PHYKPL: variants seen among roughly 807,000 people sequenced by gnomAD.
PHYKPL encodes the protein 5-phosphonooxy-L-lysine phospho-lyase.
PHYKPL carries 42 observed loss-of-function variants against 51.3 expected under a neutral mutation model. The ratio of observed to expected loss-of-function variants is 0.82; its 90% CI spans 0.64 to 1.06. The LOEUF (loss-of-function observed/expected upper bound fraction) is 1.06. PHYKPL is among the 50% of genes least tolerant of loss of function. The pLI is 0.00. For synonymous variants in PHYKPL, 264 were observed against 236.0 expected (o/e 1.12, Z -1.09); for missense variants, 655 against 586.6 (o/e 1.12, Z -1.20).
intron 8 of PHYKPL, among the ~76,000 whole-genome samples, chr5:178,221,915 G>T (rs1761244790): frequency 6.6e-6 from 1 of 152,186 alleles, no homozygotes; most frequent in Admixed American, 6.5e-5. Flanking sequence ...AATATGCCAT[G>T]TGTCAGCTTC....
At position 178,211,955 on chromosome 5, in the gene PHYKPL, A is replaced by AC. The variant is rs1249466423; in HGVS notation, c.1318dup (p.Val440GlyfsTer5). 1 of 1,614,016 alleles carries AC rather than the reference A, an allele frequency of 6.2e-7. No individual in the cohort carries two copies. On this transcript the variant is annotated frameshift_variant, in exon 12 of 13. Transcript: ENST00000308158. LOFTEE classifies it high-confidence loss of function. ...GAGCCTCAGCGTTTCACAACTTCTC[A>AC]CCTTCTCTTCCATGTCTGAAAAAGA...
At chr5:178,227,557 G>A (rs928246276) in intron 3 of PHYKPL, among the ~76,000 whole-genome samples, 3 of 152,108 alleles carry the variant, frequency 2.0e-5, no homozygotes, top group Admixed American at 6.5e-5. Flanking sequence ...AGTGTGCTCC[G>A]GGAACCAGGA....
intron 1 of PHYKPL, 165 bp downstream of exon 1, chr5:178,232,327 G>C: frequency 1.6e-6 from 2 of 1,265,802 alleles, no homozygotes; most frequent in Non-Finnish European, 2.0e-6. Context: ...CGCCCGCCTC[G>C]GGCCCTAGAA....
At chr5:178,231,939 C>G (rs1763540884) in intron 1 of PHYKPL, 1 of 1,265,770 alleles carries the variant, frequency 7.9e-7, no homozygotes, top group South Asian at 1.3e-5. Flanking sequence ...TTGCCAGCCA[C>G]GTGGCCCTGC....
intron 10 of PHYKPL, among the ~76,000 whole-genome samples, chr5:178,214,021 A>AG (rs1428019244): frequency 6.6e-6 from 1 of 151,948 alleles, no homozygotes; most frequent in Non-Finnish European, 1.5e-5. Flanking sequence ...GGCTCCTGGG[A>AG]GGGGGGTAGG....
chr5:178,230,282 G>T, intron 2 of PHYKPL, 183 bp from the exon 3 acceptor site: 1 of 661,380 alleles, frequency 1.5e-6, no homozygotes, highest in Non-Finnish European at 2.5e-6. Context: ...AGATCCAGGA[G>T]TTCCTGAGAT....
At chr5:178,209,545 T>C (rs1757533001) in intron 12 of PHYKPL, 1 of 1,031,000 alleles carries the variant, frequency 9.7e-7, no homozygotes, top group South Asian at 1.4e-5. Flanking sequence ...GCAGCAGGGG[T>C]GGGCAGATTG....
chr5:178,229,368 G>A (rs1319419526), intron 3 of PHYKPL, among the ~76,000 whole-genome samples: 20 of 152,074 alleles, frequency 1.3e-4, no homozygotes, highest in African/African-American at 3.9e-4. Context: ...TCGATCTCCC[G>A]AAGTGCTGGG....
chr5:178,225,614 G>C lies in PHYKPL; in HGVS notation c.339-185C>G, dbSNP rs1047190456. 1.5e-5 allele frequency: 9 copies of C among 611,258 alleles called. No homozygotes were observed. The African/African-American group carries it at 1.7e-4, about 11-fold the overall frequency. 37.9% of individuals were successfully genotyped at this position (611,258 alleles called of 1,614,324 possible). ...TGTACTAGAAGCTGGGGGAAAAAGA[G>C]TAGGTAAAACAGACATGGCCTTGGC... On this transcript the variant is annotated intron_variant, in intron 3 of 12. Coordinates refer to ENST00000308158, the MANE Select transcript of PHYKPL (RefSeq NM_153373.4).
At chr5:178,213,409 C>T (rs773377560) in intron 10 of PHYKPL, among the ~76,000 whole-genome samples, 90 of 152,238 alleles carry the variant, frequency 5.9e-4, no homozygotes, top group Admixed American at 2.6e-3. Context: ...CTGCAAGAGT[C>T]ACCTGCATTC....
intron 12 of PHYKPL, 197 bp downstream of exon 12, chr5:178,211,693 G>GAT: frequency 1.7e-6 from 1 of 580,698 alleles, no homozygotes; most frequent in Admixed American, 3.0e-5. Flanking sequence ...TTCAAGGGAG[G>GAT]ATATAGCTGT....
intron 8 of PHYKPL, among the ~76,000 whole-genome samples, chr5:178,218,062 C>T (rs577240970): frequency 1.8e-4 from 21 of 114,470 alleles, no homozygotes; most frequent in Middle Eastern, 4.0e-3. Context: ...CTAAAAAATA[C>T]AAAAATTAGC....
chr5:178,222,253 G>C, intron 8 of PHYKPL, 102 bp downstream of exon 8: 1 of 1,011,744 alleles, frequency 9.9e-7, no homozygotes. Context: ...GCGTGTGCTG[G>C]GCACAGTGCT....
At chr5:178,225,290 C>T (rs1762063232) in intron 4 of PHYKPL, 65 bp downstream of exon 4, 1 of 1,587,278 alleles carries the variant, frequency 6.3e-7, no homozygotes, top group Non-Finnish European at 8.6e-7. Context: ...GAGTCAGTCT[C>T]ACGGATCACC....
intron 8 of PHYKPL, among the ~76,000 whole-genome samples, chr5:178,221,292 T>C (rs1268062687): frequency 6.6e-6 from 1 of 152,204 alleles, no homozygotes; most frequent in African/African-American, 2.4e-5. Context: ...CTTGATTTCC[T>C]GCTCAGCCTT....
At chr5:178,220,889 A>C (rs1561711461) in intron 8 of PHYKPL, among the ~76,000 whole-genome samples, 1 of 152,174 alleles carries the variant, frequency 6.6e-6, no homozygotes, top group Non-Finnish European at 1.5e-5. Flanking sequence ...AGTAGAAAAA[A>C]AAATCCCCAG....
chr5:178,211,751 A>C, intron 12 of PHYKPL, 139 bp downstream of exon 12: 2 of 623,642 alleles, frequency 3.2e-6, no homozygotes, highest in African/African-American at 3.7e-5. Flanking sequence ...CCAGTGTTGA[A>C]GAAACTAACC....
intron 9 of PHYKPL, 132 bp downstream of exon 9, chr5:178,215,144 G>T: frequency 6.9e-7 from 1 of 1,440,456 alleles, no homozygotes; most frequent in Non-Finnish European, 9.5e-7. Context: ...TTGGGCAATA[G>T]CACCTCTCAG....
chr5:178,232,011 C>A, intron 1 of PHYKPL: 3 of 1,202,688 alleles, frequency 2.5e-6, no homozygotes, highest in South Asian at 1.5e-5. Flanking sequence ...ACCGTCCCAC[C>A]GAGGGCCCCC....
Sources: allele counts gnomAD v4.1 joint callset (sites outside exome capture counted in the v4.1 genomes callset), GRCh38; gene constraint gnomAD v4.1.1; transcripts MANE v1.5; gene names NCBI Gene and HGNC (gene_info 2026-07-23, HGNC 2026-07-21).